Variants in CASKIN1 observed in about 807,000 individuals in gnomAD.
The protein encoded by CASKIN1 is caskin-1.
In CASKIN1, 42 loss-of-function variants were observed where a neutral mutation model predicts 117.5. That is an observed-to-expected ratio of 0.36 (90% CI 0.28 to 0.46). The LOEUF (loss-of-function observed/expected upper bound fraction) is 0.46, where lower values mean the gene tolerates loss of function less well. CASKIN1 is among the 20% of genes least tolerant of loss of function. The pLI is 1.00. For synonymous variants in CASKIN1, 1,148 were observed against 961.7 expected (o/e 1.19, Z -3.59); for missense variants, 2,083 against 2,077.3 (o/e 1.00, Z -0.05).
At chr16:2,191,053 C>T (rs942801492) in intron 1 of CASKIN1, among the ~76,000 whole-genome samples, 2 of 152,188 alleles carry the variant, frequency 1.3e-5, no homozygotes, top group Non-Finnish European at 2.9e-5. Flanking sequence ...TCCTGGCCTC[C>T]CCCAGCCAGC....
intron 1 of CASKIN1, among the ~76,000 whole-genome samples, chr16:2,193,275 C>T (rs1181851695): frequency 2.6e-5 from 4 of 152,220 alleles, no homozygotes. Context: ...CCTCAGCCTC[C>T]CAAAGTGCTG....
Position 2,196,495 on chromosome 16 carries a change from G to T in CASKIN1, c.-63C>A. The T allele has an allele frequency of 1.2e-6, 1 of 859,938 alleles. No individual in the cohort carries two copies. Among genetic ancestry groups the T allele is most frequent in the Non-Finnish European group, 1.4e-6 (1 of 705,874 alleles). 53.3% of individuals were successfully genotyped at this position (859,938 alleles called of 1,614,324 possible). ...GAGCTCGGCGCGGCTCAGAGGCGGC[G>T]GCGGCCCCGCGGCACCGGCCGCCTC... On this transcript the variant is annotated 5_prime_UTR_variant, in exon 1 of 20. Coordinates refer to ENST00000343516, the MANE Select transcript of CASKIN1 (RefSeq NM_020764.4). This position sits in a 1 kb window ranked among gnomAD's most constrained non-coding sequence, Gnocchi z 5.7.
chr16:2,190,631 C>G (rs2141326513), intron 1 of CASKIN1, among the ~76,000 whole-genome samples: 1 of 152,292 alleles, frequency 6.6e-6, no homozygotes, highest in African/African-American at 2.4e-5. Context: ...CTTGTCCCCA[C>G]CTGGGGATAG....
Position 2,181,880 on chromosome 16 carries a change from T to C in CASKIN1, c.1679A>G (p.Lys560Arg), listed in dbSNP as rs2093169426. The C allele has an allele frequency of 6.2e-7, 1 of 1,613,826 alleles. No homozygotes were observed. Among genetic ancestry groups the C allele is most frequent in the Non-Finnish European group, 8.5e-7 (1 of 1,179,988 alleles). Reference protein sequence around the residue: ...LSMIGLAQYYKVLVDNGYENI... With the variant: ...LSMIGLAQYYRVLVDNGYENI... ...CTCGTAGCCATTGTCCACCAACACC[T>C]TGTAGTACTGGGCCAGGCCGATCAT... Residue 560 changes from lysine (K) to arginine (R), a missense_variant, in exon 17 of 20, where the codon AAG becomes AGG. Coordinates refer to ENST00000343516, the MANE Select transcript of CASKIN1 (RefSeq NM_020764.4).
In CASKIN1 at chr16:2,180,048, T is replaced by A; in HGVS notation, c.3320A>T (p.Glu1107Val). 6.3e-7 allele frequency: 1 copy of A among 1,590,284 alleles called. No individual in the cohort carries two copies. Among genetic ancestry groups the A allele is most frequent in the Admixed American group, 1.7e-5 (1 of 57,450 alleles). ...RQRPRGPSKG[E>V]AGVEGPPLAK... Reference sequence around the variant, plus strand: ...CAAGGGCGGGCCTTCGACACCCGCCTCGCCCTTGGAGGGACCCCGAGGCCG... The same window carrying A: ...CAAGGGCGGGCCTTCGACACCCGCCACGCCCTTGGAGGGACCCCGAGGCCG... Residue 1107 changes from glutamate to valine, a missense_variant, in exon 18 of 20, where the codon GAG becomes GTG. Transcript: ENST00000343516.
chr16:2,195,600 T>C (rs1309161305), intron 1 of CASKIN1, among the ~76,000 whole-genome samples: 6 of 152,162 alleles, frequency 3.9e-5, no homozygotes, highest in African/African-American at 1.2e-4. Flanking sequence ...GGGCCGGCCA[T>C]AGGGCAAGCT....
chr16:2,179,951 C>T lies in CASKIN1; in HGVS notation c.3417G>A (p.Lys1139=). 1 of 1,606,630 alleles carries T rather than the reference C, an allele frequency of 6.2e-7. No individual in the cohort carries two copies. The highest frequency in any genetic ancestry group is 8.5e-7 in the Non-Finnish European group (1 of 1,177,198). Residue 1139 remains lysine, a synonymous_variant, in exon 18 of 20, where the codon AAG becomes AAA. Transcript: ENST00000343516. This position sits in a 1 kb window ranked among gnomAD's most constrained non-coding sequence, Gnocchi z 5.8. ...CCGTGTCAGACTCGGTCAGGATGAACTTGACGTTCTCCTGCTGGTTCTGCT... is the reference window on the plus strand; with the variant it reads ...CCGTGTCAGACTCGGTCAGGATGAATTTGACGTTCTCCTGCTGGTTCTGCT... ...RAKQNQQENV[K]FILTESDTVK... is the part of the protein sequence containing the mutation.
intron 1 of CASKIN1, among the ~76,000 whole-genome samples, chr16:2,194,429 G>A (rs1329206337): frequency 1.3e-5 from 2 of 152,032 alleles, no homozygotes; most frequent in Non-Finnish European, 2.9e-5. Context: ...AGCCTGGGGT[G>A]ACTCTGGAGC....
rs199989758 is a variant in CASKIN1, at chr16:2,178,984, G to A, written c.4117C>T (p.Leu1373=). ...ASPGDSARQK[L]EETSACLAAA... ...GCCAGGCACGCGCTTGTCTCCTCCA[G>A]TTTCTGCCGGGCGCTGTCCCCTGGC... Residue 1373 remains leucine (L), a synonymous_variant, in exon 19 of 20, where the codon CTG becomes TTG. Transcript: ENST00000343516. The A allele has an allele frequency of 3.5e-6, 5 of 1,412,452 alleles. No individual in the cohort carries two copies. Among genetic ancestry groups the A allele is most frequent in the Admixed American group, 2.8e-5 (1 of 35,738 alleles). 87.5% of individuals were successfully genotyped at this position (1,412,452 alleles called of 1,614,324 possible).
intron 6 of CASKIN1, among the ~76,000 whole-genome samples, chr16:2,188,132 C>G: frequency 6.6e-6 from 1 of 150,920 alleles, no homozygotes; most frequent in East Asian, 2.0e-4. Flanking sequence ...TGGGCTCCTG[C>G]GTCAGCCTCC....
chr16:2,189,079 C>T lies in CASKIN1; in HGVS notation c.565G>A (p.Gly189Ser), dbSNP rs772249477. 1.4e-5 allele frequency: 23 copies of T among 1,613,558 alleles called. No individual in the cohort carries two copies. Among genetic ancestry groups the T allele is most frequent in the Middle Eastern group, 1.6e-4 (1 of 6,078 alleles). Residue 189 changes from glycine (G) to serine (S), a missense_variant, in exon 6 of 20, where the codon GGC becomes AGC. Gly to Ser is a moderately conservative substitution (Grantham distance 56). This residue lies in a region of CASKIN1 where 203 missense variants were observed against 338.7 expected (regional missense o/e 0.60). Transcript: ENST00000343516. Reference protein sequence around the residue: ...PRPGDATDPNGTSPLHLAAKN... With the variant: ...PRPGDATDPNSTSPLHLAAKN... ...GCTGCGAGGTGCAAAGGGCTGGTGC[C>T]GTTGGGGTCGGTGGCGTCTCCCGGC...
At chr16:2,178,693 C>G in intron 19 of CASKIN1, 47 bp from the exon 20 acceptor site, 1 of 1,504,812 alleles carries the variant, frequency 6.6e-7, no homozygotes, top group Non-Finnish European at 8.9e-7. Context: ...GCGGGTCTGG[C>G]CACGCCCACC....
At position 2,181,605 on chromosome 16, in the gene CASKIN1, T is replaced by C; in HGVS notation, c.1769-6A>G. 7.8e-7 allele frequency: 1 copy of C among 1,278,022 alleles called. No homozygotes were observed. Among genetic ancestry groups the C allele is most frequent in the Non-Finnish European group, 1.0e-6 (1 of 987,854 alleles). The allele number at this position is 1,278,022 out of a possible 1,614,324, so 79.2% of individuals were successfully genotyped here. A position where few individuals can be genotyped will look rare whatever the true frequency, so the allele number is the denominator to read the frequency against. Reference sequence around the variant, plus strand: ...CATCAGCTTCTTCTGGTGCCCTGAGTGGGGCGCAGGGGGCAGGTCAGGTGG... The same window carrying C: ...CATCAGCTTCTTCTGGTGCCCTGAGCGGGGCGCAGGGGGCAGGTCAGGTGG... On this transcript the variant is annotated splice_polypyrimidine_tract_variant and splice_region_variant and intron_variant, in intron 17 of 19. Coordinates refer to ENST00000343516, the MANE Select transcript of CASKIN1 (RefSeq NM_020764.4).
chr16:2,184,706 G>A (rs1466956979), intron 14 of CASKIN1, 71 bp downstream of exon 14: 2 of 1,317,394 alleles, frequency 1.5e-6, no homozygotes, highest in Non-Finnish European at 9.9e-7. Context: ...GGCCGTGTAA[G>A]CACCCATCAG....
chr16:2,195,612 G>C (rs148854875), intron 1 of CASKIN1, among the ~76,000 whole-genome samples: 1 of 152,214 alleles, frequency 6.6e-6, no homozygotes, highest in African/African-American at 2.4e-5. Flanking sequence ...GGGCAAGCTG[G>C]GGATGGCCAG....
At chr16:2,188,741 C>T (rs1296568252) in intron 6 of CASKIN1, among the ~76,000 whole-genome samples, 1 of 152,136 alleles carries the variant, frequency 6.6e-6, no homozygotes, top group Non-Finnish European at 1.5e-5. Context: ...CTGCTGTGAA[C>T]CCCACTTTAC....
rs528048966 is a variant in CASKIN1 at position 2,181,616 on chromosome 16, G to A, written c.1769-17C>T. 1.5e-4 allele frequency: 232 copies of A among 1,544,718 alleles called. No individual in the cohort carries two copies. The African/African-American group carries it at 2.9e-3, about 20-fold the overall frequency. On this transcript the variant is annotated splice_polypyrimidine_tract_variant and intron_variant, in intron 17 of 19. Coordinates refer to ENST00000343516, the MANE Select transcript of CASKIN1 (RefSeq NM_020764.4). ...TCTGGTGCCCTGAGTGGGGCGCAGGGGGCAGGTCAGGTGGACCAGGAGGCG... is the reference window on the plus strand; with the variant it reads ...TCTGGTGCCCTGAGTGGGGCGCAGGAGGCAGGTCAGGTGGACCAGGAGGCG...
intron 1 of CASKIN1, among the ~76,000 whole-genome samples, chr16:2,195,122 C>T (rs1232596872): frequency 6.6e-6 from 1 of 152,252 alleles, no homozygotes; most frequent in Non-Finnish European, 1.5e-5. Context: ...CCCACAAGCT[C>T]TCCCTTTCTG....
Position 2,184,792 on chromosome 16 carries a change from T to C in CASKIN1, c.1401A>G (p.Pro467=), listed in dbSNP as rs1255960642. 4 of 1,526,262 alleles carry C rather than the reference T, an allele frequency of 2.6e-6. No individual in the cohort carries two copies. In the East Asian group the frequency reaches 6.8e-5, roughly 26 times the overall value. The allele number at this position is 1,526,262 out of a possible 1,614,324, so 94.5% of individuals were successfully genotyped here. ...YGEQPPKKLE[P]ASEGKSSEAV... The stretch of plus-strand genomic sequence containing the variant: ...AGCCCTGTACCTTGCCCTCCGATGC[T>C]GGCTCCAGCTTCTTGGGCGGCTGCT... The change falls in exon 14 of 20, where the codon CCA becomes CCG. Residue 467 remains proline (P), a synonymous_variant. Transcript: ENST00000343516.
Sources: allele counts gnomAD v4.1 joint callset (sites outside exome capture counted in the v4.1 genomes callset), GRCh38; gene constraint gnomAD v4.1.1; regional missense constraint gnomAD v4.1.1; non-coding constraint Gnocchi (gnomAD v3.1); transcripts MANE v1.5; gene names NCBI Gene and HGNC (gene_info 2026-07-23, HGNC 2026-07-21).